Variants in PTPRB observed in about 807,000 individuals in gnomAD.
PTPRB encodes receptor-type tyrosine-protein phosphatase beta.
Under a neutral mutation model 238.1 loss-of-function variants are expected in PTPRB, and 97 were observed. The observed-to-expected ratio is 0.41, with a 90% CI of 0.35 to 0.48. The LOEUF is 0.48. Ranked by LOEUF, PTPRB falls within the 20% of genes least tolerant of loss-of-function variation. The pLI, the probability that PTPRB is intolerant of heterozygous loss-of-function variation, is 0.30. For synonymous variants in PTPRB, 970 were observed against 995.4 expected (o/e 0.97, Z 0.48); for missense variants, 2,292 against 2,681.9 (o/e 0.85, Z 3.21).
chr12:70,532,138 G>A lies in PTPRB; in HGVS notation c.6401C>T (p.Ala2134Val), dbSNP rs1305981141. 7 of 1,613,612 alleles carry A rather than the reference G, an allele frequency of 4.3e-6. No individual in the cohort carries two copies. Among genetic ancestry groups the A allele is most frequent in the Non-Finnish European group, 5.9e-6 (7 of 1,179,770 alleles). The part of the protein sequence containing the change: ...AGVGRTGTFI[A>V]LDRILQQLDS... ...TAACTGCTGGAGGATTCGGTCCAAT[G>A]CAATAAAGGTTCCAGTCCTACCCAC... Residue 2134 changes from alanine to valine, a missense_variant, in exon 32 of 34, where the codon GCA becomes GTA. Ala to Val is a moderately conservative substitution (Grantham distance 64, BLOSUM62 0). Around this residue, in one of 4 missense-constraint regions of PTPRB, gnomAD observed 397 missense variants for 502.0 expected, o/e 0.79. Coordinates refer to ENST00000334414, the MANE Select transcript of PTPRB (RefSeq NM_001109754.4).
intron 2 of PTPRB, among the ~76,000 whole-genome samples, chr12:70,623,638 T>C (rs979552785): frequency 6.6e-5 from 10 of 152,202 alleles, no homozygotes; most frequent in Non-Finnish European, 1.3e-4. Context: ...TTTTATGGGA[T>C]AGAAAACCCC....
chr12:70,629,003 T>C (rs997289760), intron 2 of PTPRB, among the ~76,000 whole-genome samples: 2 of 152,192 alleles, frequency 1.3e-5, no homozygotes, highest in Non-Finnish European at 1.5e-5. Flanking sequence ...ATTATTCCTT[T>C]TTCCTTTACT....
intron 32 of PTPRB, among the ~76,000 whole-genome samples, chr12:70,526,392 G>A (rs1292396567): frequency 1.3e-5 from 2 of 152,092 alleles, no homozygotes; most frequent in African/African-American, 2.4e-5. Context: ...TTTTTTTAGC[G>A]ACAGGATCTT....
At chr12:70,533,479 C>CAGAGAG (rs59430616) in intron 31 of PTPRB, among the ~76,000 whole-genome samples, 25 of 151,996 alleles carry the variant, frequency 1.6e-4, no homozygotes, top group South Asian at 6.2e-4. Context: ...CCAGGCTCGC[C>CAGAGAG]AGAGAGAGAG....
intron 3 of PTPRB, among the ~76,000 whole-genome samples, chr12:70,610,075 G>T (rs1212764252): frequency 6.6e-6 from 1 of 152,090 alleles, no homozygotes; most frequent in Admixed American, 6.5e-5. Flanking sequence ...TCTGACCCGC[G>T]CTGCCTCGCC....
intron 2 of PTPRB, among the ~76,000 whole-genome samples, chr12:70,631,294 T>A (rs1885440910): frequency 6.6e-6 from 1 of 152,178 alleles, no homozygotes; most frequent in Non-Finnish European, 1.5e-5. Context: ...AACCATCTGA[T>A]CTTTGACAAA....
intron 8 of PTPRB, among the ~76,000 whole-genome samples, chr12:70,588,812 G>A (rs1455620750): frequency 6.6e-6 from 1 of 151,884 alleles, no homozygotes; most frequent in African/African-American, 2.4e-5. Flanking sequence ...AATTAGCTGA[G>A]CCTGGTGGCA....
rs1458810080 is a variant in PTPRB, at chr12:70,569,568, T to G, written c.3634+107A>C. The G allele has an allele frequency of 4.5e-6, 6 of 1,338,388 alleles. No homozygotes were observed. In the East Asian group the frequency reaches 1.4e-4, roughly 31 times the overall value. 82.9% of individuals were successfully genotyped at this position (1,338,388 alleles called of 1,614,324 possible). On this transcript the variant is annotated intron_variant, in intron 14 of 33. Coordinates refer to ENST00000334414, the MANE Select transcript of PTPRB (RefSeq NM_001109754.4). ...TGAAACCATTGAATTGTACAAACTTTGGTGGTTTTAAATCTGGATTTGTGA... is the reference window on the plus strand; with the variant it reads ...TGAAACCATTGAATTGTACAAACTTGGGTGGTTTTAAATCTGGATTTGTGA...
chr12:70,609,738 T>A, intron 3 of PTPRB: 1 of 1,551,606 alleles, frequency 6.4e-7, no homozygotes, highest in Middle Eastern at 1.7e-4. Flanking sequence ...GCATCAGCTC[T>A]GACCCCTTCT....
rs538998848 is a variant in PTPRB at position 70,622,567 on chromosome 12, A to G, written c.531T>C (p.Val177=). 3 of 1,599,832 alleles carry G rather than the reference A, an allele frequency of 1.9e-6. No individual in the cohort carries two copies. The highest frequency in any genetic ancestry group is 2.3e-5 in the East Asian group (1 of 44,304). Residue 177 remains valine (V), a synonymous_variant, in exon 3 of 34, where the codon GTT becomes GTC. Coordinates refer to ENST00000334414, the MANE Select transcript of PTPRB (RefSeq NM_001109754.4). The part of the protein sequence containing the change: ...PPQILTTFNA[V]PDGLVFLIRN... The stretch of plus-strand genomic sequence containing the variant: ...TAATAAGGAATACCAGGCCATCTGG[A>G]ACTGCATTAAAGGTAGTGAGAATCT...
At chr12:70,529,180 A>G (rs1277740608) in intron 32 of PTPRB, among the ~76,000 whole-genome samples, 2 of 152,170 alleles carry the variant, frequency 1.3e-5, no homozygotes, top group Non-Finnish European at 2.9e-5. Flanking sequence ...GCAGGAGGAA[A>G]AGGAGAACAG....
rs144702602 is a variant in PTPRB, at chr12:70,533,986, G to A, written c.6368+502C>T. ...TAGCAGCACAAATAGACAAAGACAT[G>A]CTACTAGACCTGGAGGGAAGATTAG... On this transcript the variant is annotated intron_variant, in intron 31 of 33. Transcript: ENST00000334414. Among the ~76,000 whole-genome samples, 5 of 152,326 alleles carry A rather than the reference G, an allele frequency of 3.3e-5. No homozygotes were observed. The South Asian group carries it at 6.2e-4, about 19-fold the overall frequency.
At chr12:70,537,736 G>A (rs898833643) in intron 28 of PTPRB, among the ~76,000 whole-genome samples, 1 of 152,168 alleles carries the variant, frequency 6.6e-6, no homozygotes, top group South Asian at 2.1e-4. Context: ...GCCATAGGAA[G>A]GTGGCAAGAT....
At position 70,569,695 on chromosome 12, in the gene PTPRB, A is replaced by G; in HGVS notation, c.3614T>C (p.Ile1205Thr). 1 of 1,613,926 alleles carries G rather than the reference A, an allele frequency of 6.2e-7. No homozygotes were observed. Among genetic ancestry groups the G allele is most frequent in the Admixed American group, 1.7e-5 (1 of 60,014 alleles). Residue 1205 changes from isoleucine (I) to threonine (T), a missense_variant, in exon 14 of 34, where the codon ATA becomes ACA. This residue lies in a region of PTPRB where 683 missense variants were observed against 862.0 expected (regional missense o/e 0.79). Coordinates refer to ENST00000334414, the MANE Select transcript of PTPRB (RefSeq NM_001109754.4). ...ASVSGSLKNQ[I>T]NVVGRTVPAS... is the part of the protein sequence containing the mutation. Reference sequence around the variant, plus strand: ...CTTACCTGTCCGCCCAACCACATTTATCTGATTCTTCAGGGACCCGCTGAC... The same window carrying G: ...CTTACCTGTCCGCCCAACCACATTTGTCTGATTCTTCAGGGACCCGCTGAC...
chr12:70,568,110 T>C (rs1879544995), intron 14 of PTPRB, among the ~76,000 whole-genome samples: 1 of 152,316 alleles, frequency 6.6e-6, no homozygotes, highest in Admixed American at 6.5e-5. Flanking sequence ...GATGACTTCT[T>C]AGTCTTTCTT....
chr12:70,580,971 T>G (rs774140185), intron 10 of PTPRB, 65 bp downstream of exon 10: 212 of 1,505,296 alleles, frequency 1.4e-4, no homozygotes, highest in Middle Eastern at 7.1e-4. Context: ...TCTATAATAT[T>G]CTGATTAGGG....
At chr12:70,574,104 A>C (rs1455102618) in intron 11 of PTPRB, among the ~76,000 whole-genome samples, 1 of 152,196 alleles carries the variant, frequency 6.6e-6, no homozygotes, top group African/African-American at 2.4e-5. Flanking sequence ...CCAGGGTACT[A>C]AACTCTTGTC....
At chr12:70,565,817 G>C in intron 15 of PTPRB, among the ~76,000 whole-genome samples, 1 of 152,174 alleles carries the variant, frequency 6.6e-6, no homozygotes, top group Non-Finnish European at 1.5e-5. Flanking sequence ...GGCAAAAAGG[G>C]CTTTGTAGAT....
chr12:70,570,659 G>T (rs1333869940), intron 13 of PTPRB, among the ~76,000 whole-genome samples: 5 of 152,120 alleles, frequency 3.3e-5, no homozygotes, highest in African/African-American at 1.2e-4. Flanking sequence ...TTTGCTGTGG[G>T]TCTGGTTCAT....
Sources: allele counts gnomAD v4.1 joint callset (sites outside exome capture counted in the v4.1 genomes callset), GRCh38; gene constraint gnomAD v4.1.1; regional missense constraint gnomAD v4.1.1; transcripts MANE v1.5; gene names NCBI Gene and HGNC (gene_info 2026-07-23, HGNC 2026-07-21).